Variants in PRKD3 observed in about 807,000 individuals in gnomAD.
The protein encoded by PRKD3 is serine/threonine-protein kinase D3.
Under a neutral mutation model 99.2 loss-of-function variants are expected in PRKD3, and 47 were observed. That is an observed-to-expected ratio of 0.47 (90% CI 0.38 to 0.60). The LOEUF (loss-of-function observed/expected upper bound fraction) is 0.60. Among genes scored for constraint, PRKD3 ranks in the 20% least tolerant of loss-of-function variants. The pLI is 0.00. For missense variants in PRKD3, 1,019 were observed against 1,088.4 expected (o/e 0.94, Z 0.90); for synonymous variants, 392 against 355.4 (o/e 1.10, Z -1.16).
At chr2:37,294,262 A>AT (rs3216661) in intron 2 of PRKD3, among the ~76,000 whole-genome samples, 14,826 of 151,862 alleles carry the variant, frequency 0.098, 1,137 homozygotes, top group East Asian at 0.36. Flanking sequence ...CTCCCAGCTA[A>AT]TTTTTTATGT....
intron 2 of PRKD3, among the ~76,000 whole-genome samples, chr2:37,296,241 A>T (rs935049022): frequency 2.0e-5 from 3 of 152,226 alleles, no homozygotes; most frequent in Non-Finnish European, 2.9e-5. Context: ...AAGGAAAACA[A>T]CATCAAAATA....
chr2:37,303,531 G>T (rs752540265), intron 2 of PRKD3, among the ~76,000 whole-genome samples: 9 of 151,922 alleles, frequency 5.9e-5, no homozygotes, highest in Non-Finnish European at 1.2e-4. Context: ...GGGGCCCTTA[G>T]GTTGAAGGGC....
chr2:37,252,446 A>C lies in PRKD3; in HGVS notation c.*731T>G, dbSNP rs1474618769. On this transcript the variant is annotated 3_prime_UTR_variant, in exon 19 of 19. Transcript: ENST00000234179. ...GACCAGCAGTACTCTTCCTTTTGTA[A>C]CATCATTTGTCCCTAATTATCTTAG... 1 of 152,192 alleles carries C rather than the reference A, an allele frequency of 6.6e-6. No homozygotes were observed. The highest frequency in any genetic ancestry group is 2.4e-5 in the African/African-American group (1 of 41,444). 9.4% of individuals were successfully genotyped at this position (152,192 alleles called of 1,614,324 possible). A position where few individuals can be genotyped will look rare whatever the true frequency, so the allele number is the denominator to read the frequency against.
At chr2:37,299,925 A>G (rs911411803) in intron 2 of PRKD3, among the ~76,000 whole-genome samples, 1 of 152,192 alleles carries the variant, frequency 6.6e-6, no homozygotes, top group African/African-American at 2.4e-5. Context: ...ATGCTTATAC[A>G]CTATTGGTGG....
chr2:37,282,150 T>C (rs1302505231), intron 7 of PRKD3, among the ~76,000 whole-genome samples: 2 of 152,196 alleles, frequency 1.3e-5, no homozygotes, highest in Admixed American at 1.3e-4. Flanking sequence ...CCTCAAAGGG[T>C]TGTTCTTAGG....
intron 2 of PRKD3, among the ~76,000 whole-genome samples, chr2:37,310,813 A>G (rs1671391646): frequency 1.3e-5 from 2 of 152,350 alleles, no homozygotes; most frequent in East Asian, 1.9e-4. Flanking sequence ...AATCTGGACC[A>G]GAGATCAGAG....
intron 2 of PRKD3, among the ~76,000 whole-genome samples, chr2:37,299,029 T>A (rs1326689207): frequency 6.6e-6 from 1 of 152,192 alleles, no homozygotes; most frequent in African/African-American, 2.4e-5. Flanking sequence ...GCTTTCAGTT[T>A]TTTCCCATTC....
At chr2:37,303,180 G>A (rs959042740) in intron 2 of PRKD3, among the ~76,000 whole-genome samples, 1 of 151,980 alleles carries the variant, frequency 6.6e-6, no homozygotes, top group African/African-American at 2.4e-5. Flanking sequence ...TGGACCTCAG[G>A]AGAAGATTAC....
At chr2:37,292,313 C>T (rs1670467353) in intron 3 of PRKD3, among the ~76,000 whole-genome samples, 1 of 151,534 alleles carries the variant, frequency 6.6e-6, no homozygotes, top group South Asian at 2.1e-4. Context: ...TAGTAACATT[C>T]AAGTAATTCA....
rs1668584378 is a variant in PRKD3 at position 37,262,989 on chromosome 2, T to C, written c.1885-2605A>G. 2.0e-5 allele frequency among the ~76,000 whole-genome samples: 3 copies of C among 151,796 alleles called. 1 individual carries two copies. Among genetic ancestry groups the C allele is most frequent in the Non-Finnish European group, 4.4e-5 (3 of 67,930 alleles). ...TTTTATTTTTACATACCTCCTCCCT[T>C]CCCCCACACAGCAAACCAGCTTTTG... On this transcript the variant is annotated intron_variant, in intron 14 of 18. Transcript: ENST00000234179.
rs1382300585 is a variant in PRKD3, at chr2:37,289,423, A to G, written c.650T>C (p.Leu217Ser). ...TGGAACTGAGAGGCCGGGTCCTGGT[A>G]AAGATACATTTGACAGACGTCTCTT... ...VRKRRLSNVS[L>S]PGPGLSVPRP... Residue 217 changes from leucine (L) to serine (S), a missense_variant, in exon 5 of 19, where the codon TTA (leucine) becomes TCA (serine). By Grantham distance (145) the Leu-to-Ser change is moderately radical. Coordinates refer to ENST00000234179, the MANE Select transcript of PRKD3 (RefSeq NM_005813.6). 1.2e-6 allele frequency: 2 copies of G among 1,614,106 alleles called. No individual in the cohort carries two copies. The highest frequency in any genetic ancestry group is 1.7e-5 in the Admixed American group (1 of 60,020).
intron 5 of PRKD3, 67 bp downstream of exon 5, chr2:37,289,287 ATG>A (rs1670271763): frequency 4.7e-6 from 7 of 1,501,102 alleles, no homozygotes; most frequent in Non-Finnish European, 6.4e-6. Context: ...TTCTAGAGTG[ATG>A]TCATACACCC....
At position 37,267,614 on chromosome 2, in the gene PRKD3, A is replaced by C. The variant is rs1416065860; in HGVS notation, c.1778-78T>G. On this transcript the variant is annotated intron_variant, in intron 13 of 18. Transcript: ENST00000234179. ...GGGAGTTGTCCACAGACTGAAATTT[A>C]TATGTATTTACTCTTGAATTTTCTT... 3 of 1,042,100 alleles carry C rather than the reference A, an allele frequency of 2.9e-6. No individual in the cohort carries two copies. The African/African-American group carries it at 4.8e-5, about 17-fold the overall frequency. The allele number at this position is 1,042,100 out of a possible 1,614,324, so 64.6% of individuals were successfully genotyped here.
At chr2:37,308,820 GCT>G (rs1298362562) in intron 2 of PRKD3, among the ~76,000 whole-genome samples, 1 of 144,636 alleles carries the variant, frequency 6.9e-6, no homozygotes, top group African/African-American at 2.5e-5. Context: ...AGTTTTTTAA[GCT>G]CTGTTTTTTT....
At chr2:37,297,085 C>A (rs1202526005) in intron 2 of PRKD3, among the ~76,000 whole-genome samples, 1 of 151,768 alleles carries the variant, frequency 6.6e-6, no homozygotes, top group East Asian at 1.9e-4. Context: ...ATTCAATATA[C>A]AAGGATTTAC....
chr2:37,258,055 C>CCA (rs1409300236), intron 16 of PRKD3, among the ~76,000 whole-genome samples: 10 of 152,164 alleles, frequency 6.6e-5, no homozygotes, highest in African/African-American at 2.4e-4. Flanking sequence ...GGATTAATGA[C>CCA]CACATCCATG....
In PRKD3 at chr2:37,316,582, G is replaced by C; in HGVS notation, c.-58C>G. 4.5e-6 allele frequency: 7 copies of C among 1,542,562 alleles called. No homozygotes were observed. The highest frequency in any genetic ancestry group is 6.1e-6 in the Non-Finnish European group (7 of 1,149,138). On this transcript the variant is annotated 5_prime_UTR_variant, in exon 2 of 19. Transcript: ENST00000234179. ...GATTCTTTTTCAATGGTTATGAAGA[G>C]GTTTTTAAAATAACAGCAGTAAAGA...
At chr2:37,322,885 A>AC (rs1671945043) in intron 1 of PRKD3, among the ~76,000 whole-genome samples, 1 of 152,146 alleles carries the variant, frequency 6.6e-6, no homozygotes, top group Non-Finnish European at 1.5e-5. Flanking sequence ...ACTAGCAAAG[A>AC]ATTTCCTTAT....
At chr2:37,272,190 A>G (rs534634576) in intron 12 of PRKD3, among the ~76,000 whole-genome samples, 190 bp downstream of exon 12, 1 of 152,346 alleles carries the variant, frequency 6.6e-6, no homozygotes, top group Admixed American at 6.5e-5. Context: ...TGAAAAAGTT[A>G]GCTTTATTTT....
Sources: allele counts gnomAD v4.1 joint callset (sites outside exome capture counted in the v4.1 genomes callset), GRCh38; gene constraint gnomAD v4.1.1; transcripts MANE v1.5; gene names NCBI Gene and HGNC (gene_info 2026-07-23, HGNC 2026-07-21).